NXPH1: variants seen among roughly 807,000 people sequenced by gnomAD.
The protein encoded by NXPH1 is neurexophilin 1.
A neutral mutation model predicts 23.7 loss-of-function variants in NXPH1; 5 were observed. That is an observed-to-expected ratio of 0.21 (90% confidence interval 0.11 to 0.44). NXPH1 has a LOEUF of 0.44. Among genes scored for constraint, NXPH1 ranks in the 20% least tolerant of loss-of-function variants. The pLI is 0.99. For synonymous variants in NXPH1, 144 were observed against 122.2 expected (o/e 1.18, Z -1.18); for missense variants, 324 against 321.6 (o/e 1.01, Z -0.06).
At chr7:8,471,567 C>T (rs573306382) in intron 2 of NXPH1, among the ~76,000 whole-genome samples, 1 of 152,078 alleles carries the variant, frequency 6.6e-6, no homozygotes, top group East Asian at 1.9e-4. Flanking sequence ...TTTGTTGCTT[C>T]CTACAGAAAA....
At chr7:8,468,520 T>A (rs1041880192) in intron 2 of NXPH1, among the ~76,000 whole-genome samples, 1 of 152,108 alleles carries the variant, frequency 6.6e-6, no homozygotes, top group Admixed American at 6.6e-5. Flanking sequence ...TTTGAATTTG[T>A]GTTGTGTAAT....
At chr7:8,462,117 C>T (rs1454188659) in intron 2 of NXPH1, among the ~76,000 whole-genome samples, 2 of 152,084 alleles carry the variant, frequency 1.3e-5, no homozygotes, top group Non-Finnish European at 2.9e-5. Flanking sequence ...GGCGTGATCT[C>T]GGCTCACAGC....
chr7:8,435,087 C>T lies in NXPH1; in HGVS notation c.-111+332C>T, dbSNP rs1163672766. ...CACTTCACCGAACGTGTTGAGGTAC[C>T]TAGCACCTAATCGCGGTCAGTTCTA... On this transcript the variant is annotated intron_variant, in intron 1 of 2. Coordinates refer to ENST00000405863, the MANE Select transcript of NXPH1 (RefSeq NM_152745.3). The surrounding 1 kb of genome is among the most constrained non-coding windows in gnomAD (Gnocchi z 5.9). 1 of 155,156 alleles carries T rather than the reference C, an allele frequency of 6.4e-6. No individual in the cohort carries two copies. The highest frequency in any genetic ancestry group is 2.4e-5 in the African/African-American group (1 of 41,462). The allele number at this position is 155,156 out of a possible 1,614,324, so 9.6% of individuals were successfully genotyped here. A position where few individuals can be genotyped will look rare whatever the true frequency, so the allele number is the denominator to read the frequency against.
chr7:8,633,100 T>C (rs998213436), intron 2 of NXPH1, among the ~76,000 whole-genome samples: 2 of 152,182 alleles, frequency 1.3e-5, no homozygotes, highest in Non-Finnish European at 2.9e-5. Flanking sequence ...ATAAAATCAA[T>C]TAATAATGAA....
chr7:8,596,721 G>A (rs1203222008), intron 2 of NXPH1, among the ~76,000 whole-genome samples: 1 of 152,058 alleles, frequency 6.6e-6, no homozygotes, highest in Non-Finnish European at 1.5e-5. Context: ...AAGGCACAGA[G>A]AGGTTAGGTG....
intron 2 of NXPH1, among the ~76,000 whole-genome samples, chr7:8,611,476 C>A (rs529956573): frequency 6.6e-6 from 1 of 152,184 alleles, no homozygotes; most frequent in South Asian, 2.1e-4. Context: ...GGAAGGGAGA[C>A]AGAGAATCGT....
At chr7:8,729,986 TA>T (rs1456550309) in intron 2 of NXPH1, among the ~76,000 whole-genome samples, 1 of 151,858 alleles carries the variant, frequency 6.6e-6, no homozygotes, top group African/African-American at 2.4e-5. Flanking sequence ...AGTCTCTTTG[TA>T]GGTCACTCAG....
At chr7:8,647,567 T>A (rs543422412) in intron 2 of NXPH1, among the ~76,000 whole-genome samples, 1 of 152,224 alleles carries the variant, frequency 6.6e-6, no homozygotes, top group East Asian at 1.9e-4. Flanking sequence ...TTTGTAATTG[T>A]TTTTCTTGAA....
At chr7:8,507,410 A>G (rs1817546692) in intron 2 of NXPH1, among the ~76,000 whole-genome samples, 1 of 149,678 alleles carries the variant, frequency 6.7e-6, no homozygotes, top group African/African-American at 2.6e-5. Flanking sequence ...ATGTCATTGA[A>G]GCATCCTAGT....
At chr7:8,462,584 G>A (rs1415970142) in intron 2 of NXPH1, among the ~76,000 whole-genome samples, 3 of 152,126 alleles carry the variant, frequency 2.0e-5, no homozygotes, top group African/African-American at 7.2e-5. Flanking sequence ...TCCACAGACT[G>A]CTCTTAACTG....
chr7:8,546,904 G>A (rs768346569), intron 2 of NXPH1, among the ~76,000 whole-genome samples: 1 of 151,346 alleles, frequency 6.6e-6, no homozygotes, highest in Non-Finnish European at 1.5e-5. Flanking sequence ...GTATCTCTTT[G>A]ACCCTCAAAT....
chr7:8,674,977 T>C (rs758617481), intron 2 of NXPH1, among the ~76,000 whole-genome samples: 28 of 152,164 alleles, frequency 1.8e-4, no homozygotes, highest in Non-Finnish European at 3.7e-4. Flanking sequence ...CTAAGCCAAC[T>C]TAGTGACAGA....
At chr7:8,512,295 C>A (rs903542939) in intron 2 of NXPH1, among the ~76,000 whole-genome samples, 1 of 152,120 alleles carries the variant, frequency 6.6e-6, no homozygotes, top group Non-Finnish European at 1.5e-5. Flanking sequence ...ATTTTTGTAA[C>A]CCTTTTTGAA....
At chr7:8,499,703 C>T (rs1183274013) in intron 2 of NXPH1, among the ~76,000 whole-genome samples, 2 of 152,042 alleles carry the variant, frequency 1.3e-5, no homozygotes, top group South Asian at 4.1e-4. Context: ...AAGCTAGACT[C>T]CCAGTGGTGA....
chr7:8,616,105 T>C (rs1015966806), intron 2 of NXPH1, among the ~76,000 whole-genome samples: 3 of 151,980 alleles, frequency 2.0e-5, no homozygotes, highest in Non-Finnish European at 2.9e-5. Context: ...CTCGTAGTTC[T>C]TATTTTGTTT....
At chr7:8,569,268 A>G (rs1257201701) in intron 2 of NXPH1, among the ~76,000 whole-genome samples, 3 of 151,862 alleles carry the variant, frequency 2.0e-5, no homozygotes, top group Admixed American at 2.0e-4. Flanking sequence ...AAATTAGAAA[A>G]GGGGGAGGAG....
intron 2 of NXPH1, among the ~76,000 whole-genome samples, chr7:8,742,653 C>A (rs116639838): frequency 6.9e-6 from 1 of 145,710 alleles, no homozygotes; most frequent in African/African-American, 2.5e-5. Flanking sequence ...TACTTAGGAA[C>A]AATATATACC....
At chr7:8,460,674 T>C (rs1170259434) in intron 2 of NXPH1, among the ~76,000 whole-genome samples, 1 of 152,226 alleles carries the variant, frequency 6.6e-6, no homozygotes, top group Non-Finnish European at 1.5e-5. Context: ...GTGTTTTGAA[T>C]GGTTATTGCA....
chr7:8,698,020 A>G (rs979317339), intron 2 of NXPH1, among the ~76,000 whole-genome samples: 3 of 152,200 alleles, frequency 2.0e-5, no homozygotes, highest in African/African-American at 7.2e-5. Flanking sequence ...TGGCCTGATC[A>G]ACATTTGTAA....
Sources: gnomAD v4.1 joint callset for allele counts (sites outside exome capture counted in the v4.1 genomes callset) on GRCh38, gnomAD v4.1.1 for gene constraint, Gnocchi (gnomAD v3.1) non-coding constraint, MANE v1.5 for transcripts, NCBI Gene and HGNC (gene_info 2026-07-23, HGNC 2026-07-21) for gene names.